Variants in PEX14 observed in about 807,000 individuals in gnomAD.
PEX14 encodes peroxisomal biogenesis factor 14, also known as peroxisomal membrane protein PEX14.
In PEX14, 15 loss-of-function variants were observed where a neutral mutation model predicts 49.5. The ratio of observed to expected loss-of-function variants is 0.30; its 90% confidence interval spans 0.20 to 0.47. The LOEUF (loss-of-function observed/expected upper bound fraction) is 0.47. PEX14 is among the 20% of genes least tolerant of loss of function. The pLI, the probability that PEX14 is intolerant of heterozygous loss-of-function variation, is 1.00. For synonymous variants in PEX14, 210 were observed against 212.7 expected (o/e 0.99, Z 0.11); for missense variants, 398 against 494.8 (o/e 0.80, Z 1.86).
At chr1:10,541,702 C>G (rs1440139892) in intron 3 of PEX14, among the ~76,000 whole-genome samples, 1 of 152,226 alleles carries the variant, frequency 6.6e-6, no homozygotes, top group South Asian at 2.1e-4. Context: ...GACTGGTCCC[C>G]CGCATCAATT....
rs1403669645 is a variant in PEX14, at chr1:10,494,019, A to AGGAGGCAG, written c.37-1244_37-1237dup. Among the ~76,000 whole-genome samples the AGGAGGCAG allele has an allele frequency of 1.3e-5, 2 of 152,188 alleles. No individual in the cohort carries two copies. Among genetic ancestry groups the AGGAGGCAG allele is most frequent in the African/African-American group, 4.8e-5 (2 of 41,448 alleles). Reference sequence around the variant, plus strand: ...CCAATGCCTGGAGCTTTGGGAGGACAGGAGGCAGGGAGGCAGGGGAAGCTT... The same window carrying AGGAGGCAG: ...CCAATGCCTGGAGCTTTGGGAGGACAGGAGGCAGGGAGGCAGGGAGGCAGGGGAAGCTT... On this transcript the variant is annotated intron_variant, in intron 1 of 8. Coordinates refer to ENST00000356607, the MANE Select transcript of PEX14 (RefSeq NM_004565.3). The surrounding 1 kb of genome is among the most constrained non-coding windows in gnomAD (Gnocchi z 4.3).
intron 3 of PEX14, among the ~76,000 whole-genome samples, chr1:10,544,547 G>A (rs1639111647): frequency 6.6e-6 from 1 of 152,088 alleles, no homozygotes; most frequent in South Asian, 2.1e-4. Flanking sequence ...TTGACATACA[G>A]TAAACTACAC....
chr1:10,624,944 G>A (rs1641702064), intron 7 of PEX14, among the ~76,000 whole-genome samples: 1 of 152,124 alleles, frequency 6.6e-6, no homozygotes, highest in Non-Finnish European at 1.5e-5. Flanking sequence ...ATCCTAGGGA[G>A]CCAGAACCAA....
chr1:10,520,873 C>T (rs371403110), intron 2 of PEX14, among the ~76,000 whole-genome samples: 1 of 152,166 alleles, frequency 6.6e-6, no homozygotes, highest in Non-Finnish European at 1.5e-5. Context: ...TCACTGTAGA[C>T]GCACTATGGA....
rs748746721 is a variant in PEX14, at chr1:10,495,313, G to A, written c.76G>A (p.Glu26Lys). Residue 26 changes from glutamate to lysine, a missense_variant, in exon 2 of 9, where the codon GAG becomes AAG. Transcript: ENST00000356607. The surrounding 1 kb of genome is among the most constrained non-coding windows in gnomAD (Gnocchi z 4.2). ...TPGSENVLPR[E>K]PLIATAVKFL... is the part of the protein sequence containing the mutation. ...AGGAAGTGAAAATGTGCTGCCTCGA[G>A]AGCCGCTGGTAAGTACCCAAGATAT... 19 of 1,613,632 alleles carry A rather than the reference G, an allele frequency of 1.2e-5. No individual in the cohort carries two copies. In the Admixed American group the frequency reaches 1.3e-4, roughly 11 times the overall value.
At chr1:10,589,611 C>G (rs1195738897) in intron 3 of PEX14, among the ~76,000 whole-genome samples, 1 of 151,956 alleles carries the variant, frequency 6.6e-6, no homozygotes, top group East Asian at 1.9e-4. Flanking sequence ...GGGGGTCTCA[C>G]TATGTTGCCC....
intron 3 of PEX14, among the ~76,000 whole-genome samples, chr1:10,558,710 C>T (rs1639564054): frequency 7.1e-6 from 1 of 141,142 alleles, no homozygotes; most frequent in Non-Finnish European, 1.5e-5. Flanking sequence ...GCACTCCAGT[C>T]TGGGCGACAG....
chr1:10,627,186 T>A, intron 7 of PEX14, 86 bp from the exon 8 acceptor site: 1 of 884,376 alleles, frequency 1.1e-6, no homozygotes, highest in South Asian at 1.3e-5. Context: ...CCCCACCTGC[T>A]GCCCCCACCC....
intron 1 of PEX14, among the ~76,000 whole-genome samples, chr1:10,477,075 CT>C (rs573516670): frequency 1.1e-3 from 156 of 143,638 alleles, no homozygotes; most frequent in Middle Eastern, 3.5e-3. Context: ...TTGAACTTTT[CT>C]TTTTTTTTTT....
chr1:10,626,699 C>T (rs535929370), intron 7 of PEX14, among the ~76,000 whole-genome samples: 17 of 152,368 alleles, frequency 1.1e-4, no homozygotes, highest in Admixed American at 7.8e-4. Context: ...AGACCTCACA[C>T]GGAGGCCTCG....
At chr1:10,602,367 G>C (rs1641011146) in intron 4 of PEX14, among the ~76,000 whole-genome samples, 1 of 151,778 alleles carries the variant, frequency 6.6e-6, no homozygotes, top group East Asian at 1.9e-4. Flanking sequence ...TCTCACTCCG[G>C]GGGTGACTCT....
intron 3 of PEX14, among the ~76,000 whole-genome samples, chr1:10,562,371 A>T (rs1639675405): frequency 6.6e-6 from 1 of 152,152 alleles, no homozygotes; most frequent in Admixed American, 6.6e-5. Context: ...AAAGAAAAAG[A>T]TTTTTTTCTA....
intron 2 of PEX14, among the ~76,000 whole-genome samples, chr1:10,503,281 CAAAAAAAAA>C (rs59342388): frequency 3.2e-4 from 24 of 75,490 alleles, no homozygotes; most frequent in Non-Finnish European, 4.8e-4. Flanking sequence ...GACTCTGTCT[CAAAAAAAAA>C]AAAAAAAAAA....
chr1:10,604,193 G>C (rs1641065289), intron 4 of PEX14, among the ~76,000 whole-genome samples: 1 of 152,210 alleles, frequency 6.6e-6, no homozygotes, highest in Non-Finnish European at 1.5e-5. Flanking sequence ...CGGTGGCACA[G>C]AAGAGGCGAC....
chr1:10,475,954 A>G (rs1641187730), intron 1 of PEX14, among the ~76,000 whole-genome samples: 2 of 152,192 alleles, frequency 1.3e-5, no homozygotes, highest in Admixed American at 6.5e-5. Flanking sequence ...ACATGCCCCA[A>G]ATCGTGTGCT....
chr1:10,525,845 C>T (rs1029718868), intron 2 of PEX14, among the ~76,000 whole-genome samples: 4 of 151,592 alleles, frequency 2.6e-5, no homozygotes, highest in Non-Finnish European at 4.4e-5. Flanking sequence ...AGGCTGATCT[C>T]GAACTCTTGA....
intron 1 of PEX14, among the ~76,000 whole-genome samples, chr1:10,491,528 G>A (rs543520775): frequency 1.3e-5 from 2 of 150,774 alleles, no homozygotes; most frequent in African/African-American, 2.4e-5. Flanking sequence ...CACCACACCC[G>A]GCTAATTTTT....
At chr1:10,530,092 C>G (rs1638602260) in intron 2 of PEX14, among the ~76,000 whole-genome samples, 1 of 152,116 alleles carries the variant, frequency 6.6e-6, no homozygotes, top group South Asian at 2.1e-4. Flanking sequence ...CTCCTTTCCT[C>G]CCTTAATGTA....
At chr1:10,621,772 T>C (rs996643305) in intron 5 of PEX14, among the ~76,000 whole-genome samples, 1 of 152,168 alleles carries the variant, frequency 6.6e-6, no homozygotes, top group African/African-American at 2.4e-5. Flanking sequence ...AAATAGAAAA[T>C]GCGTCTATAC....
Sources: allele counts gnomAD v4.1 joint callset (sites outside exome capture counted in the v4.1 genomes callset), GRCh38; gene constraint gnomAD v4.1.1; non-coding constraint Gnocchi (gnomAD v3.1); transcripts MANE v1.5; gene names NCBI Gene and HGNC (gene_info 2026-07-23, HGNC 2026-07-21).